HOXC4: variants seen among roughly 807,000 people sequenced by gnomAD.
HOXC4 encodes the protein homeobox C4.
HOXC4 carries 15 observed loss-of-function variants against 25.5 expected under a neutral mutation model. The observed-to-expected ratio is 0.59, with a 90% confidence interval of 0.39 to 0.91. The LOEUF (loss-of-function observed/expected upper bound fraction) is 0.91, where lower values mean the gene tolerates loss of function less well. HOXC4 is among the 40% of genes least tolerant of loss of function. The pLI is 0.00. For synonymous variants in HOXC4, 165 were observed against 148.0 expected (o/e 1.11, Z -0.83); for missense variants, 342 against 352.4 (o/e 0.97, Z 0.24).
In HOXC4 at chr12:54,055,251, C is replaced by A; in HGVS notation, c.*46C>A. On this transcript the variant is annotated 3_prime_UTR_variant, in exon 2 of 2. Coordinates refer to ENST00000430889, the MANE Select transcript of HOXC4 (RefSeq NM_153633.3). ...CCCCACCCCATGCCCCCACCCTCCC[C>A]TCACACACAAATTGACTCTTATTTA... 1.2e-6 allele frequency: 1 copy of A among 859,194 alleles called. No individual in the cohort carries two copies. The highest frequency in any genetic ancestry group is 1.7e-6 in the Non-Finnish European group (1 of 584,220). 53.2% of individuals were successfully genotyped at this position (859,194 alleles called of 1,614,324 possible).
intron 1 of HOXC4, chr12:54,028,748 C>T: frequency 6.2e-7 from 1 of 1,614,102 alleles, no homozygotes; most frequent in Non-Finnish European, 8.5e-7. Context: ...GGATCTAATT[C>T]CTTTTACCAG....
At chr12:54,034,226 A>G in intron 1 of HOXC4, 1 of 1,515,464 alleles carries the variant, frequency 6.6e-7, no homozygotes. Context: ...GGACGGGGGA[A>G]CGCTGCAAGC....
intron 1 of HOXC4, among the ~76,000 whole-genome samples, chr12:54,019,353 T>A (rs1358082928): frequency 6.6e-6 from 1 of 152,092 alleles, no homozygotes; most frequent in Non-Finnish European, 1.5e-5. Context: ...CAGTGGCTGA[T>A]GCCCCGCGGA....
chr12:54,053,542 G>A, upstream of HOXC4: 1 of 219,590 alleles, frequency 4.6e-6, no homozygotes, highest in Non-Finnish European at 9.0e-6. Context: ...GAGACCCTGG[G>A]CGGGGGCTGA....
At position 54,029,874 on chromosome 12, in the gene HOXC4, C is replaced by G. The variant is rs976893207; in HGVS notation, c.-124+12460C>G. ...GAATCTAATCTCACATCCACTCTCTCGGGGGGCGGCGGAGGGGCCACCGCC... is the reference window on the plus strand; with the variant it reads ...GAATCTAATCTCACATCCACTCTCTGGGGGGGCGGCGGAGGGGCCACCGCC... On this transcript the variant is annotated intron_variant, in intron 1 of 3. Transcript: ENST00000303406. 6.2e-7 allele frequency: 1 copy of G among 1,612,362 alleles called. No homozygotes were observed. Among genetic ancestry groups the G allele is most frequent in the African/African-American group, 1.3e-5 (1 of 74,730 alleles).
chr12:54,055,391 C>T lies in HOXC4; in HGVS notation c.*186C>T, dbSNP rs1205652028. 1 of 214,862 alleles carries T rather than the reference C, an allele frequency of 4.7e-6. No individual in the cohort carries two copies. Among genetic ancestry groups the T allele is most frequent in the Non-Finnish European group, 8.9e-6 (1 of 112,140 alleles). The allele number at this position is 214,862 out of a possible 1,614,324, so 13.3% of individuals were successfully genotyped here. A position where few individuals can be genotyped will look rare whatever the true frequency, so the allele number is the denominator to read the frequency against. Reference sequence around the variant, plus strand: ...AACAGATAAACAAACAAGCCCCCTGCCCTCCTCTCCCTCCCACTGTTAAGG... The same window carrying T: ...AACAGATAAACAAACAAGCCCCCTGTCCTCCTCTCCCTCCCACTGTTAAGG... On this transcript the variant is annotated 3_prime_UTR_variant, in exon 2 of 2. Transcript: ENST00000430889.
intron 1 of HOXC4, chr12:54,034,383 A>G (rs780144166): frequency 6.2e-7 from 1 of 1,614,168 alleles, no homozygotes; most frequent in Admixed American, 1.7e-5. Context: ...AGGCGCATAG[A>G]GATCGCCAAC....
intron 1 of HOXC4, chr12:54,020,013 C>A (rs772029252): frequency 6.6e-6 from 1 of 152,260 alleles, no homozygotes; most frequent in Non-Finnish European, 1.5e-5. Context: ...GACTCCAACA[C>A]CAACTCTCTG....
chr12:54,023,249 C>T (rs1056086020), intron 1 of HOXC4, among the ~76,000 whole-genome samples: 9 of 152,144 alleles, frequency 5.9e-5, no homozygotes, highest in Admixed American at 2.0e-4. Context: ...CAGGGCTGAG[C>T]GTGATGGGGT....
At chr12:54,049,066 G>A (rs1937784405), upstream of HOXC4, among the ~76,000 whole-genome samples, 1 of 152,214 alleles carries the variant, frequency 6.6e-6, no homozygotes, top group Non-Finnish European at 1.5e-5. Flanking sequence ...TCATCCAGCA[G>A]TCTTGAAGAG....
intron 1 of HOXC4, among the ~76,000 whole-genome samples, chr12:54,031,258 C>T (rs956467413): frequency 1.3e-5 from 2 of 152,150 alleles, no homozygotes; most frequent in African/African-American, 4.8e-5. Flanking sequence ...CGGGGGGCGC[C>T]GTGAGAGCAA....
intron 1 of HOXC4, among the ~76,000 whole-genome samples, chr12:54,037,224 G>T (rs922570684): frequency 6.6e-5 from 10 of 152,230 alleles, no homozygotes; most frequent in Non-Finnish European, 1.5e-4. Context: ...GGTGCATAAG[G>T]CCCAGATCCC....
chr12:54,055,160 C>T lies in HOXC4; in HGVS notation c.750C>T (p.Ala250=). ...PGTSEDHSQS[A]TPPEQQRAED... ...CTTCTGAAGACCACTCCCAGAGCGC[C>T]ACGCCGCCGGAGCAGCAACGGGCAG... Residue 250 remains alanine, a synonymous_variant, in exon 2 of 2, where the codon GCC becomes GCT. Transcript: ENST00000430889. 1 of 1,611,998 alleles carries T rather than the reference C, an allele frequency of 6.2e-7. No homozygotes were observed. The highest frequency in any genetic ancestry group is 8.5e-7 in the Non-Finnish European group (1 of 1,179,020).
At chr12:54,033,236 C>T (rs1439114511) in intron 1 of HOXC4, 6 of 1,614,208 alleles carry the variant, frequency 3.7e-6, no homozygotes, top group South Asian at 1.1e-5. Context: ...CATCCAGGTA[C>T]TGCTACGGCG....
At chr12:54,018,251 C>T (rs1032617717) in intron 1 of HOXC4, among the ~76,000 whole-genome samples, 1 of 152,256 alleles carries the variant, frequency 6.6e-6, no homozygotes, top group African/African-American at 2.4e-5. Flanking sequence ...CGGCGCCCCT[C>T]ACCCCCAGCC....
At chr12:54,028,838 C>T in intron 1 of HOXC4, 1 of 1,614,154 alleles carries the variant, frequency 6.2e-7, no homozygotes, top group Non-Finnish European at 8.5e-7. Flanking sequence ...GATTTTAGTT[C>T]TGAGCAGGGC....
intron 1 of HOXC4, among the ~76,000 whole-genome samples, chr12:54,023,039 A>T (rs1020379273): frequency 1.1e-4 from 17 of 152,166 alleles, no homozygotes; most frequent in African/African-American, 3.9e-4. Context: ...AAGCAGGGCC[A>T]CTTGCTTTGC....
In HOXC4 at chr12:54,028,586, C is replaced by T. The variant is rs1940837026; in HGVS notation, c.-124+11172C>T. On this transcript the variant is annotated intron_variant, in intron 1 of 3. Transcript: ENST00000303406. ...CTCGCCGGGGGCCAGGACGTCCTCCCCAACGTCGCCCTCAATTCCACCGCC... is the reference window on the plus strand; with the variant it reads ...CTCGCCGGGGGCCAGGACGTCCTCCTCAACGTCGCCCTCAATTCCACCGCC... 3 of 1,613,992 alleles carry T rather than the reference C, an allele frequency of 1.9e-6. No homozygotes were observed. The East Asian group carries it at 6.7e-5, about 36-fold the overall frequency.
chr12:54,041,291 C>T (rs1941267407), intron 1 of HOXC4, among the ~76,000 whole-genome samples: 1 of 152,244 alleles, frequency 6.6e-6, no homozygotes. Flanking sequence ...TGAGCCAGTC[C>T]ACTGCTGGGT....
Sources: gnomAD v4.1 joint callset for allele counts (sites outside exome capture counted in the v4.1 genomes callset) on GRCh38, gnomAD v4.1.1 for gene constraint, MANE v1.5 for transcripts, NCBI Gene and HGNC (gene_info 2026-07-23, HGNC 2026-07-21) for gene names.